KHDRBS2: variants seen among roughly 807,000 people sequenced by gnomAD.
KHDRBS2 encodes KH RNA binding domain containing, signal transduction associated 2, also known as KH domain-containing, RNA-binding, signal transduction-associated protein 2.
KHDRBS2 carries 26 observed loss-of-function variants against 44.3 expected under a neutral mutation model. The ratio of observed to expected loss-of-function variants is 0.59; its 90% CI spans 0.43 to 0.81. The LOEUF is 0.81. KHDRBS2 is among the 40% of genes least tolerant of loss of function. The probability of loss-of-function intolerance (pLI) is 0.00; values close to 1 mark genes in which losing one functional copy is unlikely to be tolerated. For missense variants in KHDRBS2, 476 were observed against 433.1 expected (o/e 1.10, Z -0.88); for synonymous variants, 194 against 151.1 (o/e 1.28, Z -2.08).
intron 6 of KHDRBS2, among the ~76,000 whole-genome samples, chr6:61,824,374 C>G (rs1323847138): frequency 6.6e-6 from 1 of 151,678 alleles, no homozygotes; most frequent in Non-Finnish European, 1.5e-5. Flanking sequence ...CCTTCATGCT[C>G]TCTCTCTCTC....
intron 2 of KHDRBS2, among the ~76,000 whole-genome samples, chr6:62,113,883 A>G (rs1237610032): frequency 6.6e-6 from 1 of 152,154 alleles, no homozygotes; most frequent in Non-Finnish European, 1.5e-5. Flanking sequence ...TCACACTGCT[A>G]TGAAGAAATA....
At chr6:61,727,559 CAG>C (rs1773776303) in intron 7 of KHDRBS2, among the ~76,000 whole-genome samples, 1 of 152,092 alleles carries the variant, frequency 6.6e-6, no homozygotes, top group Non-Finnish European at 1.5e-5. Flanking sequence ...GTCTAATATC[CAG>C]AGTCTACAAG....
the KHDRBS2 span, among the ~76,000 whole-genome samples, chr6:61,639,154 A>T: frequency 6.6e-6 from 1 of 152,248 alleles, no homozygotes; most frequent in East Asian, 1.9e-4. Flanking sequence ...TACTAATTAA[A>T]TATCTATGTT....
chr6:61,603,360 T>C, the KHDRBS2 span, among the ~76,000 whole-genome samples: 2 of 152,114 alleles, frequency 1.3e-5, no homozygotes, highest in African/African-American at 4.8e-5. Context: ...AAACATGCTT[T>C]CTTTACTATT....
At chr6:62,177,406 ACTC>A (rs1821364772) in intron 1 of KHDRBS2, 94 bp from the exon 2 acceptor site, 6 of 932,862 alleles carry the variant, frequency 6.4e-6, no homozygotes, top group East Asian at 2.7e-5. Context: ...TATTCATATT[ACTC>A]CTCTTCTCAA....
intron 4 of KHDRBS2, among the ~76,000 whole-genome samples, chr6:61,948,933 C>A (rs547335058): frequency 2.0e-5 from 3 of 151,922 alleles, no homozygotes; most frequent in Non-Finnish European, 4.4e-5. Flanking sequence ...GTTATGCGAG[C>A]GGAATACTTC....
chr6:61,549,344 T>G, the KHDRBS2 span, among the ~76,000 whole-genome samples: 3 of 152,184 alleles, frequency 2.0e-5, no homozygotes, highest in Non-Finnish European at 4.4e-5. Flanking sequence ...GTCTTAAAAT[T>G]TTTGAATAAC....
At chr6:61,699,828 T>A (rs1472490180) in intron 7 of KHDRBS2, among the ~76,000 whole-genome samples, 2 of 152,014 alleles carry the variant, frequency 1.3e-5, no homozygotes, top group Non-Finnish European at 2.9e-5. Flanking sequence ...AATGATTGCC[T>A]AGCTCAGCCC....
At chr6:62,199,918 A>G (rs1015507145) in intron 1 of KHDRBS2, among the ~76,000 whole-genome samples, 1 of 152,236 alleles carries the variant, frequency 6.6e-6, no homozygotes, top group African/African-American at 2.4e-5. Flanking sequence ...CAGAGCCCTC[A>G]GAAATAATGC....
At chr6:61,885,571 A>C (rs1931804) in intron 6 of KHDRBS2, among the ~76,000 whole-genome samples, 133,065 of 152,126 alleles carry the variant, frequency 0.87, 58,718 homozygotes, top group African/African-American at 0.97. Context: ...GGAAATATTT[A>C]TACAACAGAA....
At chr6:62,149,277 G>A (rs1003848121) in intron 2 of KHDRBS2, among the ~76,000 whole-genome samples, 5 of 152,126 alleles carry the variant, frequency 3.3e-5, no homozygotes, top group South Asian at 4.2e-4. Context: ...GGGCTTTTAC[G>A]TACTCACTTT....
rs1172381611 is a variant in KHDRBS2 at position 62,134,399 on chromosome 6, T to C, written c.219+42786A>G. Among the ~76,000 whole-genome samples the C allele has an allele frequency of 2.0e-5, 3 of 152,242 alleles. No homozygotes were observed. In the South Asian group the frequency reaches 6.2e-4, roughly 32 times the overall value. On this transcript the variant is annotated intron_variant, in intron 2 of 8. Transcript: ENST00000281156. ...CTCTGCCTAGATTTCAGAGGATGTA[T>C]GGAAATGCCTGGGTATCCAGGCAGA...
chr6:62,230,284 A>G (rs1335649289), intron 1 of KHDRBS2, among the ~76,000 whole-genome samples: 1 of 152,218 alleles, frequency 6.6e-6, no homozygotes, highest in Non-Finnish European at 1.5e-5. Flanking sequence ...AAATTAAATG[A>G]CAAATATGAC....
the KHDRBS2 span, among the ~76,000 whole-genome samples, chr6:61,600,358 A>G: frequency 6.6e-6 from 1 of 152,142 alleles, no homozygotes; most frequent in Admixed American, 6.5e-5. Context: ...CCCTGCCTTA[A>G]GTGATGACAT....
Position 62,285,972 on chromosome 6 carries a change from G to A in KHDRBS2, c.-24C>T, listed in dbSNP as rs369236757. ...ATAGCGCGGACTTCGGATTGTCCCC[G>A]GGCGAAGCGCGAGGTTCCGCTCGCT... On this transcript the variant is annotated 5_prime_UTR_variant, in exon 1 of 9. Coordinates refer to ENST00000281156, the MANE Select transcript of KHDRBS2 (RefSeq NM_152688.4). The A allele has an allele frequency of 6.3e-5, 94 of 1,496,562 alleles. No individual in the cohort carries two copies. Among genetic ancestry groups the A allele is most frequent in the Non-Finnish European group, 8.0e-5 (86 of 1,077,700 alleles). 92.7% of individuals were successfully genotyped at this position (1,496,562 alleles called of 1,614,324 possible).
the KHDRBS2 span, among the ~76,000 whole-genome samples, chr6:61,665,384 T>A: frequency 6.6e-6 from 1 of 151,406 alleles, no homozygotes; most frequent in Non-Finnish European, 1.5e-5. Context: ...GCATCACTTA[T>A]AAGTAATGCT....
At chr6:61,641,828 C>G in the KHDRBS2 span, among the ~76,000 whole-genome samples, 1 of 152,158 alleles carries the variant, frequency 6.6e-6, no homozygotes, top group African/African-American at 2.4e-5. Flanking sequence ...AGAGGCCAAG[C>G]CATGCTTTCA....
At chr6:62,187,316 T>C (rs1008619197) in intron 1 of KHDRBS2, among the ~76,000 whole-genome samples, 1 of 152,152 alleles carries the variant, frequency 6.6e-6, no homozygotes, top group African/African-American at 2.4e-5. Context: ...TGAACCATTA[T>C]ATCAATCATT....
At chr6:62,060,297 G>T (rs527693321) in intron 2 of KHDRBS2, among the ~76,000 whole-genome samples, 1 of 151,806 alleles carries the variant, frequency 6.6e-6, no homozygotes, top group Non-Finnish European at 1.5e-5. Context: ...GGCTGGGGGT[G>T]AGTGGGAAGT....
Sources: allele counts gnomAD v4.1 joint callset (sites outside exome capture counted in the v4.1 genomes callset), GRCh38; gene constraint gnomAD v4.1.1; transcripts MANE v1.5; gene names NCBI Gene and HGNC (gene_info 2026-07-23, HGNC 2026-07-21).